The following CASK variants were observed in gnomAD, a reference collection of about 807,000 sequenced individuals.
CASK encodes peripheral plasma membrane protein CASK.
CASK carries 4 observed loss-of-function variants against 82.9 expected under a neutral mutation model. The observed-to-expected ratio is 0.05, with a 90% CI of 0.02 to 0.11. The LOEUF (loss-of-function observed/expected upper bound fraction) is 0.11, where lower values mean the gene tolerates loss of function less well. Ranked by LOEUF, CASK falls within the 10% of genes least tolerant of loss-of-function variation. The pLI, the probability that CASK is intolerant of heterozygous loss-of-function variation, is 1.00. For missense variants in CASK, 358 were observed against 720.9 expected (o/e 0.50, Z 5.76); for synonymous variants, 259 against 253.5 (o/e 1.02, Z -0.20).
rs187303758 is a variant in CASK, at chrX:41,589,182, C to A, written c.1233+333G>T. Among the ~76,000 whole-genome samples the A allele has an allele frequency of 3.0e-3, 340 of 112,105 alleles. 3 individuals carry two copies. The highest frequency in any genetic ancestry group is 0.01 in the African/African-American group (322 of 30,959). ...ATTAACTTTCAAACATTACCACCTT[C>A]AAAAAGCAACTCAAATTTTTATAGC... is the stretch of plus-strand genomic sequence containing the variant. On this transcript the variant is annotated intron_variant, in intron 13 of 26. Transcript: ENST00000378163.
At chrX:41,753,090 ATATT>A (rs2068824744) in intron 3 of CASK, among the ~76,000 whole-genome samples, 1 of 112,301 alleles carries the variant, frequency 8.9e-6, no homozygotes, top group Admixed American at 9.5e-5. Context: ...TTATAGACAT[ATATT>A]TATTGACATA....
At chrX:41,661,195 G>C (rs1386321938) in intron 7 of CASK, among the ~76,000 whole-genome samples, 1 of 111,590 alleles carries the variant, frequency 9.0e-6, no homozygotes, top group Non-Finnish European at 1.9e-5. Context: ...AAAAGACACA[G>C]GACTTATGAG....
chrX:41,914,301 A>G (rs1034688141), intron 1 of CASK, among the ~76,000 whole-genome samples: 7 of 112,572 alleles, frequency 6.2e-5, no homozygotes, highest in African/African-American at 2.3e-4. Context: ...TTACAAAGCA[A>G]AAAGGAAAGA....
intron 15 of CASK, among the ~76,000 whole-genome samples, chrX:41,570,245 C>T (rs778767135): frequency 9.1e-6 from 1 of 110,010 alleles, no homozygotes; most frequent in South Asian, 3.9e-4. Flanking sequence ...TTCAAACTGC[C>T]GACCTCAAGT....
chrX:41,627,113 C>T (rs2066391051), intron 9 of CASK, among the ~76,000 whole-genome samples: 2 of 111,705 alleles, frequency 1.8e-5, no homozygotes, highest in Non-Finnish European at 3.8e-5. Flanking sequence ...ATATAAAAGA[C>T]TGCATATACA....
intron 2 of CASK, among the ~76,000 whole-genome samples, chrX:41,813,249 T>G (rs1022077425): frequency 2.6e-4 from 29 of 111,230 alleles, no homozygotes; most frequent in African/African-American, 9.5e-4. Flanking sequence ...TACTTTAAAG[T>G]TCATATGGAA....
chrX:41,653,131 T>C (rs1348944186), intron 8 of CASK, among the ~76,000 whole-genome samples: 1 of 112,836 alleles, frequency 8.9e-6, no homozygotes, highest in African/African-American at 3.2e-5. Flanking sequence ...TTGATTGTTG[T>C]TGTTGTGTGG....
chrX:41,757,184 A>G (rs909893884), intron 3 of CASK, among the ~76,000 whole-genome samples: 2 of 112,400 alleles, frequency 1.8e-5, no homozygotes, highest in South Asian at 7.3e-4. Context: ...ATCCTTGCAT[A>G]CACAAATCAG....
At chrX:41,545,601 C>T (rs149676028) in intron 21 of CASK, among the ~76,000 whole-genome samples, 1,172 of 111,768 alleles carry the variant, frequency 0.01, 10 homozygotes, top group Middle Eastern at 0.028. Context: ...AGCAAGACCT[C>T]CTTCCTTGTT....
At chrX:41,539,808 G>A (rs917819501) in intron 22 of CASK, among the ~76,000 whole-genome samples, 1 of 112,176 alleles carries the variant, frequency 8.9e-6, no homozygotes, top group African/African-American at 3.2e-5. Context: ...AGAGTTGGTT[G>A]ATGACACAGA....
chrX:41,732,084 A>G (rs2068408123), intron 5 of CASK, among the ~76,000 whole-genome samples: 1 of 109,610 alleles, frequency 9.1e-6, no homozygotes, highest in African/African-American at 3.3e-5. Context: ...TTTTAAAATC[A>G]CCTTCAAAAC....
intron 8 of CASK, among the ~76,000 whole-genome samples, chrX:41,654,422 G>A (rs754372090): frequency 5.4e-5 from 6 of 111,585 alleles, no homozygotes; most frequent in African/African-American, 2.0e-4. Flanking sequence ...TGTAATCCCA[G>A]CACTTTGGGA....
In CASK at chrX:41,841,776, C is replaced by T. The variant is rs750956411; in HGVS notation, c.172+11339G>A. Among the ~76,000 whole-genome samples, 4 of 111,852 alleles carry T rather than the reference C, an allele frequency of 3.6e-5. No homozygotes were observed. The East Asian group carries it at 1.1e-3, about 31-fold the overall frequency. ...ACCTCAAGTGATCTGCATGCCTTGG[C>T]CTTCCAAAGTACTGAGCTTATGGGC... On this transcript the variant is annotated intron_variant, in intron 2 of 26. Transcript: ENST00000378163.
At chrX:41,619,001 T>A (rs1190339587) in intron 11 of CASK, among the ~76,000 whole-genome samples, 1 of 108,466 alleles carries the variant, frequency 9.2e-6, no homozygotes, top group African/African-American at 3.4e-5. Flanking sequence ...TAATTTTTTT[T>A]TTGTATTTTT....
chrX:41,671,402 A>ATTT, intron 6 of CASK, 26 bp downstream of exon 6: 2 of 796,377 alleles, frequency 2.5e-6, no homozygotes, highest in Non-Finnish European at 3.6e-6. Flanking sequence ...GTTTTGAAGA[A>ATTT]TTTTTTTTTT....
chrX:41,713,037 G>A (rs183841193), intron 5 of CASK, among the ~76,000 whole-genome samples: 20 of 111,638 alleles, frequency 1.8e-4, no homozygotes, highest in African/African-American at 5.5e-4. Context: ...ATAAAACTCC[G>A]CTCTCCTGCA....
chrX:41,701,507 G>A (rs2067791904), intron 5 of CASK, among the ~76,000 whole-genome samples: 1 of 111,879 alleles, frequency 8.9e-6, no homozygotes. Flanking sequence ...TTTGAAACTC[G>A]GAATATAATC....
At chrX:41,749,662 C>T (rs1009813331) in intron 3 of CASK, among the ~76,000 whole-genome samples, 3 of 110,331 alleles carry the variant, frequency 2.7e-5, no homozygotes, top group Non-Finnish European at 5.7e-5. Context: ...GCTGGGATTA[C>T]AGGCACAAGC....
At chrX:41,542,168 C>T (rs962488717) in intron 22 of CASK, among the ~76,000 whole-genome samples, 1 of 112,630 alleles carries the variant, frequency 8.9e-6, no homozygotes, top group Non-Finnish European at 1.9e-5. Context: ...GGGAAGAAGA[C>T]GACTCACAGA....
Sources: gnomAD v4.1 joint callset for allele counts (sites outside exome capture counted in the v4.1 genomes callset) on GRCh38, gnomAD v4.1.1 for gene constraint, MANE v1.5 for transcripts, NCBI Gene and HGNC (gene_info 2026-07-23, HGNC 2026-07-21) for gene names.